Variants in ZNF808 observed in about 807,000 individuals in gnomAD.
The protein encoded by ZNF808 is zinc finger protein 808.
ZNF808 carries 5 observed loss-of-function variants against 8.7 expected under a neutral mutation model. That is an observed-to-expected ratio of 0.58 (90% CI 0.30 to 1.21). The LOEUF (loss-of-function observed/expected upper bound fraction) is 1.21, where lower values mean the gene tolerates loss of function less well. Among genes scored for constraint, ZNF808 ranks in the 50% most tolerant of loss-of-function variants. The pLI is 0.07. For synonymous variants in ZNF808, 380 were observed against 366.0 expected (o/e 1.04, Z -0.44); for missense variants, 1,103 against 1,098.4 (o/e 1.00, Z -0.06).
At chr19:52,543,398 G>A in intron 3 of ZNF808, 51 bp downstream of exon 3, 1 of 1,597,444 alleles carries the variant, frequency 6.3e-7, no homozygotes, top group African/African-American at 1.3e-5. Context: ...TTTCTGAAAT[G>A]TAGTAGTATT....
downstream of ZNF808, among the ~76,000 whole-genome samples, chr19:52,560,471 C>T (rs34724169): frequency 0.06 from 9,142 of 152,222 alleles, 296 homozygotes; most frequent in Middle Eastern, 0.15. Context: ...ATGGTCTCTA[C>T]ATTGCTGTAC....
downstream of ZNF808, among the ~76,000 whole-genome samples, chr19:52,559,382 CAG>C (rs1218039701): frequency 1.3e-5 from 2 of 152,110 alleles, no homozygotes; most frequent in Admixed American, 6.6e-5. Flanking sequence ...TTGTTTATGA[CAG>C]AGACATTTGT....
chr19:52,536,774 A>G (rs1333909400), intron 2 of ZNF808, among the ~76,000 whole-genome samples: 9 of 152,110 alleles, frequency 5.9e-5, no homozygotes, highest in Non-Finnish European at 8.8e-5. Context: ...GAGTGGGGAC[A>G]GGGGGGCGTA....
chr19:52,558,288 T>A (rs1378370498), downstream of ZNF808, among the ~76,000 whole-genome samples: 2 of 151,552 alleles, frequency 1.3e-5, no homozygotes, highest in South Asian at 4.2e-4. Flanking sequence ...GGTCTCGATC[T>A]CCTGACCTCG....
intron 4 of ZNF808, among the ~76,000 whole-genome samples, chr19:52,551,118 G>A (rs1317221851): frequency 1.3e-5 from 2 of 152,102 alleles, no homozygotes; most frequent in African/African-American, 2.4e-5. Context: ...TTGGGAGGGC[G>A]AGACGGGTGG....
At chr19:52,566,512 A>G (rs540906991), downstream of ZNF808, among the ~76,000 whole-genome samples, 3 of 152,170 alleles carry the variant, frequency 2.0e-5, no homozygotes, top group Non-Finnish European at 2.9e-5. Flanking sequence ...CCCATTCTAT[A>G]TAACTTTAGC....
chr19:52,556,856 G>C (rs2059839240), downstream of ZNF808: 1 of 152,144 alleles, frequency 6.6e-6, no homozygotes, highest in Non-Finnish European at 1.5e-5. Context: ...CTTCAGCTGG[G>C]AGCTATTTAT....
chr19:52,545,437 A>G (rs2123143058), intron 3 of ZNF808, among the ~76,000 whole-genome samples: 1 of 151,954 alleles, frequency 6.6e-6, no homozygotes. Flanking sequence ...AATAATTGTA[A>G]TGATTTTAAG....
chr19:52,561,163 TCTCTCTCTCTC>T (rs1568494866), downstream of ZNF808, among the ~76,000 whole-genome samples: 1,043 of 66,712 alleles, frequency 0.016, 31 homozygotes, highest in African/African-American at 0.038. Context: ...ATCTGTTCTC[TCTCTCTCTCTC>T]TCTCTCTCTC....
At chr19:52,544,818 C>G (rs1461310412) in intron 3 of ZNF808, among the ~76,000 whole-genome samples, 1 of 152,156 alleles carries the variant, frequency 6.6e-6, no homozygotes, top group African/African-American at 2.4e-5. Flanking sequence ...GAGTGTCGCT[C>G]TGTTGCCCAT....
chr19:52,548,757 C>G (rs1329485712), intron 4 of ZNF808, among the ~76,000 whole-genome samples: 2 of 151,820 alleles, frequency 1.3e-5, no homozygotes, highest in African/African-American at 4.8e-5. Flanking sequence ...GAATAATATT[C>G]CATTGTATGT....
chr19:52,533,838 G>A (rs1158263341), intron 2 of ZNF808, among the ~76,000 whole-genome samples: 22 of 73,438 alleles, frequency 3.0e-4, no homozygotes, highest in East Asian at 5.5e-4. Flanking sequence ...GTGAGACTCC[G>A]TCTCCAAAAA....
chr19:52,567,870 A>G (rs928768744), downstream of ZNF808, among the ~76,000 whole-genome samples: 16 of 152,168 alleles, frequency 1.1e-4, no homozygotes, highest in Non-Finnish European at 2.2e-4. Context: ...TTTCAGCATA[A>G]TAACCCAGAG....
chr19:52,555,256 C>G lies in ZNF808; in HGVS notation c.2340C>G (p.Tyr780Ter). 6.2e-7 allele frequency: 1 copy of G among 1,611,556 alleles called. No individual in the cohort carries two copies. Among genetic ancestry groups the G allele is most frequent in the South Asian group, 1.1e-5 (1 of 90,936 alleles). The change falls in exon 5 of 5, where the codon TAC becomes TAG. Residue 780 changes from tyrosine (Y) to a stop codon, truncating the protein, a stop_gained. Transcript: ENST00000359798. LOFTEE classifies it low-confidence loss of function (END_TRUNC). ...NTFRHWSSLV[Y>*]HRRLHTGEKS... is the part of the protein sequence containing the mutation. ...TCCGTCACTGGTCATCCCTTGTATACCATCGTAGACTTCATACTGGAGAGA... is the reference window on the plus strand; with the variant it reads ...TCCGTCACTGGTCATCCCTTGTATAGCATCGTAGACTTCATACTGGAGAGA...
At position 52,564,254 on chromosome 19, in the gene ZNF808, A is replaced by G; in HGVS notation, c.*1359A>G. Reference sequence around the variant, plus strand: ...TAAGGAATTGCACGTGAGATGGCACACATATTTATGCTGTGTGAGCATCAT... The same window carrying G: ...TAAGGAATTGCACGTGAGATGGCACGCATATTTATGCTGTGTGAGCATCAT... On this transcript the variant is annotated 3_prime_UTR_variant and NMD_transcript_variant, in exon 4 of 4. Transcript: ENST00000487863. 5 of 896,464 alleles carry G rather than the reference A, an allele frequency of 5.6e-6. No homozygotes were observed. The South Asian group carries it at 6.7e-5, about 12-fold the overall frequency. 55.5% of individuals were successfully genotyped at this position (896,464 alleles called of 1,614,324 possible).
In ZNF808 at chr19:52,554,094, ATAG is replaced by A; in HGVS notation, c.1180_1182del (p.Ser394del). On this transcript the variant is annotated inframe_deletion, in exon 5 of 5. Coordinates refer to ENST00000359798, the MANE Select transcript of ZNF808 (RefSeq NM_001039886.4). ...TATCTGGCAAACCATACTAGAATTC[ATAG>A]TGGAGAGAAAACATACAAGTGTAAT... 1 of 1,614,176 alleles carries A rather than the reference ATAG, an allele frequency of 6.2e-7. No individual in the cohort carries two copies. Among genetic ancestry groups the A allele is most frequent in the South Asian group, 1.1e-5 (1 of 91,082 alleles).
chr19:52,534,126 C>T (rs2059584693), intron 2 of ZNF808, among the ~76,000 whole-genome samples: 1 of 151,986 alleles, frequency 6.6e-6, no homozygotes, highest in Non-Finnish European at 1.5e-5. Flanking sequence ...ATTTCAAAAC[C>T]AGCTTGGCTA....
At position 52,553,564 on chromosome 19, in the gene ZNF808, A is replaced by C. The variant is rs765344643; in HGVS notation, c.648A>C (p.Ser216=). 1.2e-5 allele frequency: 19 copies of C among 1,614,184 alleles called. No individual in the cohort carries two copies. In the South Asian group the frequency reaches 2.0e-4, roughly 17 times the overall value. Reference sequence around the variant, plus strand: ...ATGGGAATAATCCCCTGAATTCTTCATTACTCCCACAAAAACAGGAAGTAC... The same window carrying C: ...ATGGGAATAATCCCCTGAATTCTTCCTTACTCCCACAAAAACAGGAAGTAC... ...NNYGNNPLNS[S]LLPQKQEVHM... The change falls in exon 5 of 5, where the codon TCA becomes TCC. Residue 216 remains serine, a synonymous_variant. Coordinates refer to ENST00000359798, the MANE Select transcript of ZNF808 (RefSeq NM_001039886.4).
At chr19:52,544,383 C>T (rs541941097) in intron 3 of ZNF808, among the ~76,000 whole-genome samples, 6 of 152,038 alleles carry the variant, frequency 3.9e-5, no homozygotes, top group East Asian at 1.9e-4. Flanking sequence ...AAAGCTGGAG[C>T]GCAGTGGTAC....
Sources: allele counts gnomAD v4.1 joint callset (sites outside exome capture counted in the v4.1 genomes callset), GRCh38; gene constraint gnomAD v4.1.1; transcripts MANE v1.5; gene names NCBI Gene and HGNC (gene_info 2026-07-23, HGNC 2026-07-21).